The following LHFPL3 variants were observed in gnomAD, a reference collection of about 807,000 sequenced individuals.
LHFPL3 encodes the protein LHFPL tetraspan subfamily member 3, also known as LHFPL tetraspan subfamily member 3 protein.
Under a neutral mutation model 19.3 loss-of-function variants are expected in LHFPL3, and 5 were observed. The ratio of observed to expected loss-of-function variants is 0.26; its 90% CI spans 0.14 to 0.54. The LOEUF (loss-of-function observed/expected upper bound fraction) is 0.54, where lower values mean the gene tolerates loss of function less well. LHFPL3 is among the 20% of genes least tolerant of loss of function. LHFPL3 has a pLI of 0.94. For missense variants in LHFPL3, 249 were observed against 307.4 expected, an observed-to-expected ratio of 0.81 and a Z score of 1.42; for synonymous variants, 133 against 126.2, an observed-to-expected ratio of 1.05 and a Z score of -0.36.
intron 1 of LHFPL3, among the ~76,000 whole-genome samples, chr7:104,534,846 CTATTTCTT>C (rs1422601159): frequency 2.0e-5 from 3 of 152,112 alleles, no homozygotes; most frequent in Non-Finnish European, 4.4e-5. Flanking sequence ...CTGAATTATT[CTATTTCTT>C]TATATATTTC....
chr7:104,401,698 A>G (rs1791314770), intron 1 of LHFPL3, among the ~76,000 whole-genome samples: 1 of 152,244 alleles, frequency 6.6e-6, no homozygotes, highest in Admixed American at 6.5e-5. Context: ...TTATTCTTAA[A>G]ACACATAGGA....
chr7:104,563,677 C>G (rs1377668583), intron 1 of LHFPL3, among the ~76,000 whole-genome samples: 1 of 152,264 alleles, frequency 6.6e-6, no homozygotes, highest in Non-Finnish European at 1.5e-5. Context: ...TAGACCGGAG[C>G]TGTTCCTGTT....
intron 1 of LHFPL3, among the ~76,000 whole-genome samples, chr7:104,432,350 G>C (rs1481762964): frequency 2.6e-5 from 4 of 152,150 alleles, no homozygotes; most frequent in Non-Finnish European, 5.9e-5. Context: ...TCTCATCAGT[G>C]TTTTACTCTG....
At chr7:104,377,630 C>A (rs1790741730) in intron 1 of LHFPL3, among the ~76,000 whole-genome samples, 1 of 152,124 alleles carries the variant, frequency 6.6e-6, no homozygotes, top group African/African-American at 2.4e-5. Context: ...TTACTTGCAC[C>A]TGTGAGGAGC....
chr7:104,562,616 C>A (rs1236722147), intron 1 of LHFPL3, among the ~76,000 whole-genome samples: 1 of 151,852 alleles, frequency 6.6e-6, no homozygotes, highest in Non-Finnish European at 1.5e-5. Flanking sequence ...ACTTCTTTGC[C>A]TTTGGTTTGA....
chr7:104,343,097 A>G (rs1300685735), intron 1 of LHFPL3, among the ~76,000 whole-genome samples: 1 of 152,054 alleles, frequency 6.6e-6, no homozygotes, highest in African/African-American at 2.4e-5. Context: ...CTATTCAAGA[A>G]ATGGAATGAG....
chr7:104,435,453 A>T (rs964279822), intron 1 of LHFPL3, among the ~76,000 whole-genome samples: 1 of 151,330 alleles, frequency 6.6e-6, no homozygotes, highest in Non-Finnish European at 1.5e-5. Flanking sequence ...TTTAAAAAAG[A>T]CTTATTTTTT....
At chr7:104,449,804 C>G (rs1792398490) in intron 1 of LHFPL3, among the ~76,000 whole-genome samples, 2 of 152,282 alleles carry the variant, frequency 1.3e-5, no homozygotes, top group South Asian at 4.1e-4. Flanking sequence ...CACCTTTTCT[C>G]TCCAGCTTGT....
intron 1 of LHFPL3, among the ~76,000 whole-genome samples, chr7:104,474,261 C>A (rs11972050): frequency 6.6e-6 from 1 of 151,944 alleles, no homozygotes; most frequent in Admixed American, 6.6e-5. Flanking sequence ...TGCTTCAAAA[C>A]ACCTACAAAG....
intron 2 of LHFPL3, among the ~76,000 whole-genome samples, chr7:104,848,293 G>T (rs1791350467): frequency 6.6e-6 from 1 of 152,158 alleles, no homozygotes; most frequent in Non-Finnish European, 1.5e-5. Context: ...GGGGACTATA[G>T]GCCCTTCTTG....
rs535576391 is a variant in LHFPL3 at position 104,761,896 on chromosome 7, C to T, written c.682+24985C>T. Among the ~76,000 whole-genome samples the T allele has an allele frequency of 1.5e-3, 234 of 152,310 alleles. 1 individual carries two copies. Among genetic ancestry groups the T allele is most frequent in the Middle Eastern group, 0.014 (4 of 294 alleles). ...GGGAGGCAGCCATGTGTCTCTAGAA[C>T]ATCACCAGGAGGAAGGTGAACAGAT... On this transcript the variant is annotated intron_variant, in intron 2 of 2. Transcript: ENST00000424859.
chr7:104,860,207 C>T lies in LHFPL3; in HGVS notation c.683-45980C>T, dbSNP rs1182521700. Among the ~76,000 whole-genome samples the T allele has an allele frequency of 4.6e-5, 7 of 151,078 alleles. No homozygotes were observed. In the South Asian group the frequency reaches 6.3e-4, roughly 14 times the overall value. On this transcript the variant is annotated intron_variant, in intron 2 of 2. Coordinates refer to ENST00000424859, the MANE Select transcript of LHFPL3 (RefSeq NM_199000.3). ...ACACACACACACACACACACACACA[C>T]GCATACCTCAAATGGCCTTTTTCTC... is the stretch of plus-strand genomic sequence containing the variant.
intron 1 of LHFPL3, among the ~76,000 whole-genome samples, chr7:104,340,418 C>T (rs904637657): frequency 1.3e-5 from 2 of 152,074 alleles, no homozygotes; most frequent in East Asian, 3.9e-4. Flanking sequence ...TTTCTTCGTT[C>T]TTAGGATTAT....
chr7:104,463,806 C>T (rs1205531727), intron 1 of LHFPL3, among the ~76,000 whole-genome samples: 1 of 152,178 alleles, frequency 6.6e-6, no homozygotes, highest in Non-Finnish European at 1.5e-5. Context: ...ATTATGGGAA[C>T]TACAATTCAA....
intron 1 of LHFPL3, among the ~76,000 whole-genome samples, chr7:104,440,910 C>G (rs1254166754): frequency 6.6e-6 from 1 of 152,032 alleles, no homozygotes; most frequent in Non-Finnish European, 1.5e-5. Context: ...ATATTTAATG[C>G]ATATAAATTG....
intron 1 of LHFPL3, among the ~76,000 whole-genome samples, chr7:104,524,157 A>G (rs1794136263): frequency 2.6e-5 from 4 of 152,222 alleles, no homozygotes; most frequent in Admixed American, 1.3e-4. Context: ...GCACAGAGGT[A>G]GATGATAGGA....
At chr7:104,460,665 T>G (rs1183432315) in intron 1 of LHFPL3, among the ~76,000 whole-genome samples, 2 of 152,232 alleles carry the variant, frequency 1.3e-5, no homozygotes, top group African/African-American at 4.8e-5. Context: ...AAGTGTCTTT[T>G]CATGTCCTTT....
intron 1 of LHFPL3, among the ~76,000 whole-genome samples, chr7:104,598,659 C>T (rs1446195954): frequency 6.6e-6 from 1 of 152,146 alleles, no homozygotes; most frequent in Admixed American, 6.5e-5. Context: ...AGAAAAACAC[C>T]AGAGAAAGCT....
At chr7:104,559,997 T>C (rs1300239656) in intron 1 of LHFPL3, among the ~76,000 whole-genome samples, 1 of 150,058 alleles carries the variant, frequency 6.7e-6, no homozygotes, top group Non-Finnish European at 1.5e-5. Flanking sequence ...GATTTGCGTA[T>C]ATTGAACCAG....
Sources: allele counts gnomAD v4.1 joint callset (sites outside exome capture counted in the v4.1 genomes callset), GRCh38; gene constraint gnomAD v4.1.1; transcripts MANE v1.5; gene names NCBI Gene and HGNC (gene_info 2026-07-23, HGNC 2026-07-21).